Variants in MAML3 observed in about 807,000 individuals in gnomAD.
MAML3 encodes mastermind-like protein 3.
Under a neutral mutation model 101.9 loss-of-function variants are expected in MAML3, and 27 were observed. The ratio of observed to expected loss-of-function variants is 0.27; its 90% confidence interval spans 0.20 to 0.37. The LOEUF is 0.37. Among genes scored for constraint, MAML3 ranks in the 10% least tolerant of loss-of-function variants. MAML3 has a pLI of 1.00. For missense variants in MAML3, 1,316 were observed against 1,444.9 expected (o/e 0.91, Z 1.45); for synonymous variants, 501 against 555.9 (o/e 0.90, Z 1.39).
At position 140,081,787 on chromosome 4, in the gene MAML3, A is replaced by G. The variant is rs1432067164; in HGVS notation, c.468+71073T>C. On this transcript the variant is annotated intron_variant, in intron 1 of 4. Transcript: ENST00000509479. ...TGTGAACCGTCTAGGCTGCCCGTAG[A>G]TCTCCATAAACAAGGCCTCTTCCCA... Among the ~76,000 whole-genome samples, 3 of 152,318 alleles carry G rather than the reference A, an allele frequency of 2.0e-5. No individual in the cohort carries two copies. In the East Asian group the frequency reaches 5.8e-4, roughly 29 times the overall value.
chr4:139,990,360 C>A (rs1441115183), intron 1 of MAML3, among the ~76,000 whole-genome samples: 1 of 94,210 alleles, frequency 1.1e-5, no homozygotes, highest in East Asian at 2.7e-4. Context: ...ACTCTTCATG[C>A]TAAAAACTCT....
At chr4:139,727,724 C>G (rs564518152) in intron 3 of MAML3, among the ~76,000 whole-genome samples, 78 of 152,344 alleles carry the variant, frequency 5.1e-4, no homozygotes, top group Middle Eastern at 3.4e-3. Context: ...TCAACCTGCA[C>G]TGCTCTGATT....
intron 1 of MAML3, among the ~76,000 whole-genome samples, chr4:139,929,128 A>G (rs1313589171): frequency 6.6e-6 from 1 of 152,192 alleles, no homozygotes; most frequent in Non-Finnish European, 1.5e-5. Flanking sequence ...AGCCCCCCAA[A>G]TGCAGAGTTG....
chr4:140,144,215 T>C (rs1282533835), intron 1 of MAML3, among the ~76,000 whole-genome samples: 1 of 152,046 alleles, frequency 6.6e-6, no homozygotes, highest in African/African-American at 2.4e-5. Flanking sequence ...CATTGCCAAA[T>C]GTTCCTGGGG....
chr4:140,061,309 A>G (rs1436688993), intron 1 of MAML3, among the ~76,000 whole-genome samples: 1 of 152,220 alleles, frequency 6.6e-6, no homozygotes, highest in African/African-American at 2.4e-5. Flanking sequence ...TATCAGAGAG[A>G]GAGATCTGCC....
intron 1 of MAML3, among the ~76,000 whole-genome samples, chr4:140,037,241 G>GAAAA (rs36104617): frequency 7.2e-6 from 1 of 138,870 alleles, no homozygotes; most frequent in African/African-American, 2.7e-5. Context: ...CCCTCTGCTT[G>GAAAA]AAAAAAAAAA....
intron 1 of MAML3, among the ~76,000 whole-genome samples, chr4:139,937,959 C>T (rs1733538319): frequency 1.3e-5 from 2 of 152,180 alleles, no homozygotes; most frequent in South Asian, 4.1e-4. Flanking sequence ...ATGTCCCTTG[C>T]TGTATTCTGA....
intron 2 of MAML3, among the ~76,000 whole-genome samples, chr4:139,843,975 T>A (rs192416792): frequency 6.6e-6 from 1 of 152,326 alleles, no homozygotes; most frequent in Non-Finnish European, 1.5e-5. Context: ...CTGACATTTT[T>A]AAATTATAAT....
At chr4:140,031,173 G>A (rs1003811339) in intron 1 of MAML3, among the ~76,000 whole-genome samples, 29 of 151,976 alleles carry the variant, frequency 1.9e-4, no homozygotes, top group Non-Finnish European at 4.0e-4. Flanking sequence ...GCAAATTCAG[G>A]CACAAATAGA....
At chr4:139,725,906 A>T in intron 3 of MAML3, 71 bp from the exon 4 acceptor site, 2 of 1,281,998 alleles carry the variant, frequency 1.6e-6, no homozygotes, top group Admixed American at 3.5e-5. Flanking sequence ...ATATCCCAGC[A>T]GTTCCGAGGA....
intron 1 of MAML3, among the ~76,000 whole-genome samples, chr4:140,083,957 CACACACACACAGAGAGAGAGAG>C (rs1172697841): frequency 1.1e-4 from 3 of 27,282 alleles, no homozygotes; most frequent in African/African-American, 3.6e-4. Context: ...CACACACACA[CACACACACACAGAGAGAGAGAG>C]AGAGAGAGAG....
chr4:139,719,222 T>C lies in MAML3; in HGVS notation c.*101A>G. The C allele has an allele frequency of 7.2e-7, 1 of 1,388,438 alleles. No homozygotes were observed. The highest frequency in any genetic ancestry group is 2.5e-5 in the East Asian group (1 of 40,392). The allele number at this position is 1,388,438 out of a possible 1,614,324, so 86.0% of individuals were successfully genotyped here. A position where few individuals can be genotyped will look rare whatever the true frequency, so the allele number is the denominator to read the frequency against. Reference sequence around the variant, plus strand: ...CAGCTGCAGTTTTGCTCAGTTTACGTGGGTCAAAAAAACAAAAAACAAGGA... The same window carrying C: ...CAGCTGCAGTTTTGCTCAGTTTACGCGGGTCAAAAAAACAAAAAACAAGGA... On this transcript the variant is annotated 3_prime_UTR_variant, in exon 5 of 5. Coordinates refer to ENST00000509479, the MANE Select transcript of MAML3 (RefSeq NM_018717.5).
rs1273343809 is a variant in MAML3 at position 139,791,439 on chromosome 4, C to T, written c.2080-60772G>A. 4.4e-5 allele frequency among the ~76,000 whole-genome samples: 6 copies of T among 137,800 alleles called. 1 individual carries two copies. The highest frequency in any genetic ancestry group is 7.5e-5 in the Non-Finnish European group (5 of 66,366). The allele number at this position is 137,800 out of a possible 152,430, so 90.4% of individuals were successfully genotyped here. ...GCTTGAACTCAGGAGGTGGAGGTTG[C>T]AGTGAGTGAGCTGAGATCACGCCAC... is the stretch of plus-strand genomic sequence containing the variant. On this transcript the variant is annotated intron_variant, in intron 2 of 4. Coordinates refer to ENST00000509479, the MANE Select transcript of MAML3 (RefSeq NM_018717.5).
At chr4:139,964,173 G>C (rs1189785039) in intron 1 of MAML3, among the ~76,000 whole-genome samples, 5 of 152,164 alleles carry the variant, frequency 3.3e-5, no homozygotes, top group African/African-American at 1.2e-4. Context: ...CAACAGCAAA[G>C]ACATGGAACC....
At chr4:139,723,686 A>G (rs1206285077) in intron 4 of MAML3, among the ~76,000 whole-genome samples, 1 of 152,196 alleles carries the variant, frequency 6.6e-6, no homozygotes, top group Non-Finnish European at 1.5e-5. Context: ...ACACAGGGGA[A>G]TTATTAAATA....
At chr4:140,147,659 G>A (rs1307709665) in intron 1 of MAML3, among the ~76,000 whole-genome samples, 3 of 152,174 alleles carry the variant, frequency 2.0e-5, no homozygotes, top group East Asian at 3.8e-4. Context: ...TTTTAAATAT[G>A]TTCCTCTTTA....
chr4:139,983,774 A>C (rs4863712), intron 1 of MAML3, among the ~76,000 whole-genome samples: 50,523 of 152,006 alleles, frequency 0.33, 9,169 homozygotes, highest in East Asian at 0.62. Context: ...AGTGAAAAGC[A>C]AACACACTAG....
chr4:140,118,330 A>G (rs1026644288), intron 1 of MAML3, among the ~76,000 whole-genome samples: 6 of 150,868 alleles, frequency 4.0e-5, no homozygotes, highest in Non-Finnish European at 8.8e-5. Context: ...CTTCATCTGT[A>G]TATATATATA....
In MAML3 at chr4:139,853,005, T is replaced by C. The variant is rs116381669; in HGVS notation, c.2079+36352A>G. 7.2e-3 allele frequency among the ~76,000 whole-genome samples: 1,103 copies of C among 152,304 alleles called. 11 individuals are homozygous for C. The highest frequency in any genetic ancestry group is 0.034 in the Middle Eastern group (10 of 294). ...AATGTATGTGAAAGTGATTTATAAA[T>C]AGGAACACACAGTACACACTTTACT... On this transcript the variant is annotated intron_variant, in intron 2 of 4. Transcript: ENST00000509479.
Sources: allele counts gnomAD v4.1 joint callset (sites outside exome capture counted in the v4.1 genomes callset), GRCh38; gene constraint gnomAD v4.1.1; transcripts MANE v1.5; gene names NCBI Gene and HGNC (gene_info 2026-07-23, HGNC 2026-07-21).